RGMA: variants seen among roughly 807,000 people sequenced by gnomAD.
RGMA encodes repulsive guidance molecule A.
In RGMA, 10 loss-of-function variants were observed where a neutral mutation model predicts 23.2. The ratio of observed to expected loss-of-function variants is 0.43; its 90% CI spans 0.27 to 0.73. The LOEUF (loss-of-function observed/expected upper bound fraction) is 0.73, where lower values mean the gene tolerates loss of function less well. Among genes scored for constraint, RGMA ranks in the 30% least tolerant of loss-of-function variants. The probability of loss-of-function intolerance (pLI) is 0.20; values close to 1 mark genes in which losing one functional copy is unlikely to be tolerated. For synonymous variants in RGMA, 308 were observed against 279.3 expected (o/e 1.10, Z -1.03); for missense variants, 547 against 630.5 (o/e 0.87, Z 1.42).
At chr15:93,049,999 C>T (rs1456101878) in intron 3 of RGMA, among the ~76,000 whole-genome samples, 1 of 152,262 alleles carries the variant, frequency 6.6e-6, no homozygotes, top group Non-Finnish European at 1.5e-5. Context: ...TCCCACTCCG[C>T]CTGCTTTGGA....
At chr15:93,047,275 G>T (rs916567608) in intron 3 of RGMA, among the ~76,000 whole-genome samples, 7 of 152,162 alleles carry the variant, frequency 4.6e-5, no homozygotes, top group African/African-American at 1.7e-4. Flanking sequence ...TTCTGGGTTG[G>T]AAACAGAGAA....
chr15:93,044,771 C>T lies in RGMA; in HGVS notation c.*227G>A. On this transcript the variant is annotated 3_prime_UTR_variant, in exon 4 of 4. Transcript: ENST00000329082. ...GGCGGGGCGAGGGGAGCTGCTCTCC[C>T]TCTCACACAGCTCTACTGTCAAACA... The T allele has an allele frequency of 8.5e-6, 5 of 585,612 alleles. No homozygotes were observed. Among genetic ancestry groups the T allele is most frequent in the South Asian group, 8.4e-5 (4 of 47,416 alleles). The allele number at this position is 585,612 out of a possible 1,614,324, so 36.3% of individuals were successfully genotyped here. A position where few individuals can be genotyped will look rare whatever the true frequency, so the allele number is the denominator to read the frequency against.
In RGMA at chr15:93,044,334, G is replaced by GAA. The variant is rs2054776731; in HGVS notation, c.*662_*663dup. The GAA allele has an allele frequency of 6.5e-6, 1 of 152,774 alleles. No individual in the cohort carries two copies. The highest frequency in any genetic ancestry group is 2.4e-5 in the African/African-American group (1 of 41,470). The allele number at this position is 152,774 out of a possible 1,614,324, so 9.5% of individuals were successfully genotyped here. On this transcript the variant is annotated 3_prime_UTR_variant, in exon 4 of 4. Coordinates refer to ENST00000329082, the MANE Select transcript of RGMA (RefSeq NM_020211.3). ...GAGACGGGCAGCTGAGCAGGTGCCT[G>GAA]AAAACCGGGACCTGCACTGGTACCC...
intron 2 of RGMA, chr15:93,065,789 T>A: frequency 1.0e-6 from 1 of 1,000,636 alleles, no homozygotes. Context: ...GTAGGCTGGC[T>A]GGGGTGGTCT....
Position 93,052,155 on chromosome 15 carries a change from C to T in RGMA, c.483G>A (p.Thr161=), listed in dbSNP as rs372443630. Residue 161 remains threonine, a synonymous_variant, in exon 3 of 4, where the codon ACG becomes ACA. Coordinates refer to ENST00000329082, the MANE Select transcript of RGMA (RefSeq NM_020211.3). ...GTGGGTCCCCGAAGAGGCCACAGTGCGTGTAGTTGGGGGTGGCCGAGTGCT... is the reference window on the plus strand; with the variant it reads ...GTGGGTCCCCGAAGAGGCCACAGTGTGTGTAGTTGGGGGTGGCCGAGTGCT... ...FHKHSATPNY[T]HCGLFGDPHL... The T allele has an allele frequency of 8.1e-6, 13 of 1,613,674 alleles. No homozygotes were observed. The highest frequency in any genetic ancestry group is 6.6e-5 in the South Asian group (6 of 91,084).
chr15:93,072,699 C>T (rs1050829537), intron 2 of RGMA, among the ~76,000 whole-genome samples: 2 of 152,172 alleles, frequency 1.3e-5, no homozygotes, highest in Non-Finnish European at 2.9e-5. Flanking sequence ...GGCTCCATCT[C>T]ACGGCAACTC....
intron 2 of RGMA, among the ~76,000 whole-genome samples, chr15:93,069,822 C>T (rs890272272): frequency 6.6e-6 from 1 of 152,230 alleles, no homozygotes; most frequent in Non-Finnish European, 1.5e-5. Flanking sequence ...AGGACCCACA[C>T]ATAGTGAACA....
chr15:93,049,728 T>G (rs553992781), intron 3 of RGMA, among the ~76,000 whole-genome samples: 2 of 152,254 alleles, frequency 1.3e-5, no homozygotes, highest in African/African-American at 4.8e-5. Flanking sequence ...AGCTGCAAGG[T>G]CAGGGTCAGG....
intron 2 of RGMA, chr15:93,066,299 G>A (rs1895148331): frequency 1.1e-6 from 1 of 937,288 alleles, no homozygotes; most frequent in African/African-American, 1.6e-5. Context: ...CATTCCTGTG[G>A]ATGAATCCGT....
At chr15:93,047,451 C>T (rs1239963001) in intron 3 of RGMA, among the ~76,000 whole-genome samples, 2 of 152,172 alleles carry the variant, frequency 1.3e-5, no homozygotes, top group Non-Finnish European at 2.9e-5. Context: ...CAAGGTGGCA[C>T]CCAGGCCTTT....
intron 3 of RGMA, among the ~76,000 whole-genome samples, chr15:93,048,488 GGAGGACCCCAAGCGCACAGTTCCTT>G (rs2054864432): frequency 6.6e-6 from 1 of 152,140 alleles, no homozygotes; most frequent in Admixed American, 6.5e-5. Context: ...AGCAGCACCA[GGAGGACCCCAAGCGCACAGTTCCTT>G]GAGGACCGGA....
At chr15:93,070,941 C>T (rs1055096368) in intron 2 of RGMA, among the ~76,000 whole-genome samples, 1 of 152,216 alleles carries the variant, frequency 6.6e-6, no homozygotes, top group Non-Finnish European at 1.5e-5. Flanking sequence ...AGAAATAAAT[C>T]GAGAAACAAC....
At chr15:93,088,381 T>C in intron 1 of RGMA, 1 of 985,410 alleles carries the variant, frequency 1.0e-6, no homozygotes, top group Non-Finnish European at 1.2e-6. Context: ...TCCTCGGCCC[T>C]CAATCCAAGG....
rs2054680932 is a variant in RGMA at position 93,038,235 on chromosome 15, A to T, written c.*6763T>A. 6.6e-6 allele frequency: 1 copy of T among 151,768 alleles called. No individual in the cohort carries two copies. The highest frequency in any genetic ancestry group is 2.4e-5 in the African/African-American group (1 of 41,268). The allele number at this position is 151,768 out of a possible 1,614,324, so 9.4% of individuals were successfully genotyped here. On this transcript the variant is annotated 3_prime_UTR_variant, in exon 4 of 4. Transcript: ENST00000329082. The stretch of plus-strand genomic sequence containing the variant: ...AACTTCCACGGAATGAGGTCTGTAG[A>T]CTCCTGGTTAGAGGGTTTGGGGGGC...
At chr15:93,076,769 A>G (rs1198679682) in intron 1 of RGMA, among the ~76,000 whole-genome samples, 1 of 152,226 alleles carries the variant, frequency 6.6e-6, no homozygotes, top group African/African-American at 2.4e-5. Context: ...CGCACCCAAT[A>G]AATGGCTAAA....
chr15:93,063,698 C>A (rs115045914), intron 2 of RGMA, among the ~76,000 whole-genome samples: 2,756 of 152,318 alleles, frequency 0.018, 81 homozygotes, highest in African/African-American at 0.061. Flanking sequence ...GAGTCTAGCC[C>A]AAGAATGTTC....
At chr15:93,069,609 G>C (rs988282680) in intron 2 of RGMA, among the ~76,000 whole-genome samples, 2 of 152,254 alleles carry the variant, frequency 1.3e-5, no homozygotes, top group Non-Finnish European at 2.9e-5. Flanking sequence ...ATAGTTCTTA[G>C]AACAGCGATC....
chr15:93,088,471 C>A, intron 1 of RGMA: 1 of 987,742 alleles, frequency 1.0e-6, no homozygotes, highest in African/African-American at 1.7e-5. Context: ...GCGCCGACAT[C>A]CCCGAGGGCA....
chr15:93,078,290 G>A (rs1046663544), intron 1 of RGMA, among the ~76,000 whole-genome samples: 4 of 152,176 alleles, frequency 2.6e-5, no homozygotes, highest in Non-Finnish European at 2.9e-5. Context: ...TGCCAACCTC[G>A]CAAGCGTAGG....
Sources: allele counts gnomAD v4.1 joint callset (sites outside exome capture counted in the v4.1 genomes callset), GRCh38; gene constraint gnomAD v4.1.1; transcripts MANE v1.5; gene names NCBI Gene and HGNC (gene_info 2026-07-23, HGNC 2026-07-21).